NELL1: variants seen among roughly 807,000 people sequenced by gnomAD.
The protein encoded by NELL1 is neural EGFL like 1.
In NELL1, 76 loss-of-function variants were observed where a neutral mutation model predicts 107.4. The observed-to-expected ratio is 0.71, with a 90% CI of 0.59 to 0.86. The LOEUF (loss-of-function observed/expected upper bound fraction) is 0.86, where lower values mean the gene tolerates loss of function less well. NELL1 is among the 40% of genes least tolerant of loss of function. The probability of loss-of-function intolerance (pLI) is 0.00; values close to 1 mark genes in which losing one functional copy is unlikely to be tolerated. For missense variants in NELL1, 1,024 were observed against 1,005.5 expected (o/e 1.02, Z -0.25); for synonymous variants, 353 against 341.2 (o/e 1.03, Z -0.38).
At position 20,788,028 on chromosome 11, in the gene NELL1, T is replaced by A. The variant is rs558549004; in HGVS notation, c.335+4198T>A. On this transcript the variant is annotated intron_variant, in intron 3 of 19. Transcript: ENST00000357134. ...TTCGAGGTTCATTCATATTGTAGCT[T>A]ATGTCAGTAGTTCACTTCTTTTTAT... Among the ~76,000 whole-genome samples the A allele has an allele frequency of 5.2e-5, 5 of 96,098 alleles. No homozygotes were observed. In the South Asian group the frequency reaches 1.9e-3, roughly 37 times the overall value. 63.0% of individuals were successfully genotyped at this position (96,098 alleles called of 152,430 possible). A position where few individuals can be genotyped will look rare whatever the true frequency, so the allele number is the denominator to read the frequency against.
chr11:21,452,904 T>C (rs918413937), intron 15 of NELL1, among the ~76,000 whole-genome samples: 3 of 151,994 alleles, frequency 2.0e-5, no homozygotes, highest in African/African-American at 7.2e-5. Context: ...ATTTTACTTG[T>C]AGCTTTCTCT....
Position 21,161,345 on chromosome 11 carries a change from C to T in NELL1, c.1426+47631C>T, listed in dbSNP as rs183519874. Reference sequence around the variant, plus strand: ...TTGAGGCCAGGAGTTCAAGACTAGCCTGGCCAACATAGCAAAACCTGTCTC... The same window carrying T: ...TTGAGGCCAGGAGTTCAAGACTAGCTTGGCCAACATAGCAAAACCTGTCTC... On this transcript the variant is annotated intron_variant, in intron 13 of 19. Coordinates refer to ENST00000357134, the MANE Select transcript of NELL1 (RefSeq NM_006157.5). Among the ~76,000 whole-genome samples the T allele has an allele frequency of 9.0e-3, 1,376 of 152,272 alleles. 26 individuals are homozygous for T. The highest frequency in any genetic ancestry group is 0.03 in the African/African-American group (1,227 of 41,542).
At chr11:20,826,226 A>G (rs1857880882) in intron 3 of NELL1, among the ~76,000 whole-genome samples, 1 of 151,320 alleles carries the variant, frequency 6.6e-6, no homozygotes, top group Non-Finnish European at 1.5e-5. Context: ...ATAGTAGTCC[A>G]GAGTTTATGT....
At chr11:21,046,756 G>A (rs188588627) in intron 12 of NELL1, among the ~76,000 whole-genome samples, 1 of 151,874 alleles carries the variant, frequency 6.6e-6, no homozygotes, top group African/African-American at 2.4e-5. Context: ...AGGCTGGAGT[G>A]CAGTGGTGTG....
chr11:21,112,439 AC>A (rs765399498), intron 12 of NELL1, among the ~76,000 whole-genome samples: 1 of 152,062 alleles, frequency 6.6e-6, no homozygotes. Flanking sequence ...TAATAGAAAT[AC>A]TGTATTTGAC....
At chr11:21,126,359 TAATA>T (rs3046342) in intron 13 of NELL1, among the ~76,000 whole-genome samples, 80 of 150,666 alleles carry the variant, frequency 5.3e-4, no homozygotes, top group Non-Finnish European at 8.6e-4. Flanking sequence ...CCTATTGAGA[TAATA>T]AATAAATAAA....
chr11:21,389,578 G>A (rs10833521), intron 15 of NELL1, among the ~76,000 whole-genome samples: 48,782 of 151,494 alleles, frequency 0.32, 8,211 homozygotes, highest in South Asian at 0.38. Flanking sequence ...ACTATGATAT[G>A]TATATAGAAA....
chr11:21,491,337 C>T (rs182483630), intron 15 of NELL1, among the ~76,000 whole-genome samples: 10 of 152,076 alleles, frequency 6.6e-5, no homozygotes, highest in African/African-American at 1.2e-4. Flanking sequence ...TTAGGTCTAA[C>T]GTTTAAGTCT....
intron 14 of NELL1, among the ~76,000 whole-genome samples, chr11:21,268,728 C>T (rs974066918): frequency 6.6e-6 from 1 of 152,140 alleles, no homozygotes; most frequent in African/African-American, 2.4e-5. Flanking sequence ...TTACATAATA[C>T]ATCATGTCAT....
intron 15 of NELL1, among the ~76,000 whole-genome samples, chr11:21,374,901 G>C (rs1481378346): frequency 6.6e-6 from 1 of 150,770 alleles, no homozygotes; most frequent in Non-Finnish European, 1.5e-5. Flanking sequence ...GTGTGTGTGT[G>C]TGTGTGTGTG....
intron 3 of NELL1, among the ~76,000 whole-genome samples, chr11:20,822,704 T>C (rs79849569): frequency 0.01 from 1,583 of 152,230 alleles, 24 homozygotes; most frequent in African/African-American, 0.036. Context: ...TGGGTATGAT[T>C]TGCCAGGTGT....
chr11:21,291,428 T>C (rs1163693023), intron 14 of NELL1, among the ~76,000 whole-genome samples: 2 of 50,022 alleles, frequency 4.0e-5, no homozygotes, highest in African/African-American at 1.3e-4. Context: ...AGATGATAAT[T>C]AATAGACTAC....
At chr11:20,702,076 A>C (rs1414153226) in intron 2 of NELL1, among the ~76,000 whole-genome samples, 1 of 152,108 alleles carries the variant, frequency 6.6e-6, no homozygotes, top group African/African-American at 2.4e-5. Context: ...TGGGGATGGC[A>C]TTGAATCTAT....
chr11:21,108,324 A>G (rs1426285725), intron 12 of NELL1, among the ~76,000 whole-genome samples: 4 of 152,156 alleles, frequency 2.6e-5, no homozygotes, highest in African/African-American at 4.8e-5. Context: ...CTGAACTCTT[A>G]TGCAGATGGA....
intron 14 of NELL1, among the ~76,000 whole-genome samples, chr11:21,259,367 G>A (rs776101452): frequency 1.3e-5 from 2 of 151,998 alleles, no homozygotes; most frequent in African/African-American, 4.8e-5. Context: ...TTATTTCCTT[G>A]GGAATTTCAA....
chr11:21,083,090 G>A (rs1233674174), intron 12 of NELL1, among the ~76,000 whole-genome samples: 2 of 152,224 alleles, frequency 1.3e-5, no homozygotes, highest in East Asian at 3.9e-4. Flanking sequence ...GAGTAGGCAT[G>A]TGGCCAGCTC....
At chr11:20,781,207 A>T (rs7123545) in intron 2 of NELL1, among the ~76,000 whole-genome samples, 6,694 of 152,142 alleles carry the variant, frequency 0.044, 528 homozygotes, top group African/African-American at 0.15. Flanking sequence ...TTTAGACTGG[A>T]TATGGAGAGT....
intron 14 of NELL1, among the ~76,000 whole-genome samples, chr11:21,354,239 G>T (rs1850879311): frequency 6.6e-6 from 1 of 152,146 alleles, no homozygotes; most frequent in South Asian, 2.1e-4. Flanking sequence ...ATTTGAAGGG[G>T]TGGGGTTAGG....
chr11:21,029,658 A>G (rs547324833), intron 12 of NELL1, among the ~76,000 whole-genome samples: 190 of 152,218 alleles, frequency 1.2e-3, no homozygotes, highest in African/African-American at 4.5e-3. Context: ...TCCTTGACCA[A>G]TTTGCTGCCA....
Sources: gnomAD v4.1 joint callset for allele counts (sites outside exome capture counted in the v4.1 genomes callset) on GRCh38, gnomAD v4.1.1 for gene constraint, MANE v1.5 for transcripts, NCBI Gene and HGNC (gene_info 2026-07-23, HGNC 2026-07-21) for gene names.